Variants in GRM5 observed in about 807,000 individuals in gnomAD.
GRM5 encodes the protein glutamate metabotropic receptor 5.
GRM5 carries 19 observed loss-of-function variants against 83.1 expected under a neutral mutation model. That is an observed-to-expected ratio of 0.23 (90% CI 0.16 to 0.34). GRM5 has a LOEUF of 0.34. GRM5 is among the 10% of genes least tolerant of loss of function. The pLI is 1.00. For synonymous variants in GRM5, 675 were observed against 633.6 expected, an observed-to-expected ratio of 1.07 and a Z score of -0.98; for missense variants, 1,160 against 1,588.3, an observed-to-expected ratio of 0.73 and a Z score of 4.58.
chr11:88,956,895 TA>T (rs544818387), intron 2 of GRM5, among the ~76,000 whole-genome samples: 19 of 152,232 alleles, frequency 1.2e-4, no homozygotes, highest in Non-Finnish European at 2.6e-4. Flanking sequence ...TCTTCATCTG[TA>T]AAATGGAGAC....
At chr11:88,871,691 A>G (rs1229917482) in intron 2 of GRM5, among the ~76,000 whole-genome samples, 1 of 151,578 alleles carries the variant, frequency 6.6e-6, no homozygotes, top group African/African-American at 2.4e-5. Flanking sequence ...GGAAGACCCT[A>G]GCATATTAAG....
chr11:88,556,332 T>C (rs942981115), intron 8 of GRM5, among the ~76,000 whole-genome samples: 4 of 151,122 alleles, frequency 2.6e-5, no homozygotes, highest in Non-Finnish European at 4.4e-5. Context: ...TTCTTTTTTT[T>C]TTTTTTTTTA....
At chr11:88,820,755 C>T (rs189803525) in intron 3 of GRM5, among the ~76,000 whole-genome samples, 10 of 152,348 alleles carry the variant, frequency 6.6e-5, no homozygotes, top group Middle Eastern at 6.8e-3. Context: ...GTTATCATCT[C>T]ACTTTCCTCT....
At chr11:88,940,006 G>A (rs1938035322) in intron 2 of GRM5, among the ~76,000 whole-genome samples, 1 of 151,856 alleles carries the variant, frequency 6.6e-6, no homozygotes, top group Non-Finnish European at 1.5e-5. Context: ...ATTGTAGAAT[G>A]TCTTTTATAT....
At chr11:88,792,099 A>T (rs1390604338) in intron 3 of GRM5, among the ~76,000 whole-genome samples, 1 of 152,142 alleles carries the variant, frequency 6.6e-6, no homozygotes, top group Non-Finnish European at 1.5e-5. Flanking sequence ...AGGTTATTTC[A>T]TCTCAGCACC....
intron 2 of GRM5, among the ~76,000 whole-genome samples, chr11:88,929,035 C>A (rs28438068): frequency 0.49 from 74,115 of 151,588 alleles, 19,767 homozygotes; most frequent in South Asian, 0.66. Flanking sequence ...CTTTCTCTCA[C>A]CAAAAAAGTG....
intron 2 of GRM5, among the ~76,000 whole-genome samples, chr11:88,943,465 T>C (rs1201395649): frequency 1.3e-5 from 2 of 152,070 alleles, no homozygotes; most frequent in Non-Finnish European, 2.9e-5. Context: ...TAATGGCTAA[T>C]TTTCTATTGT....
At chr11:89,037,390 C>T (rs368025534) in intron 2 of GRM5, among the ~76,000 whole-genome samples, 2 of 151,906 alleles carry the variant, frequency 1.3e-5, no homozygotes, top group African/African-American at 4.8e-5. Context: ...ATGCGTATAC[C>T]ATTTACCAAA....
intron 3 of GRM5, among the ~76,000 whole-genome samples, chr11:88,726,068 A>C (rs1941672962): frequency 6.6e-6 from 1 of 152,248 alleles, no homozygotes; most frequent in South Asian, 2.1e-4. Context: ...GGCTTCAGAA[A>C]GTGAGTAGTA....
At chr11:88,510,791 C>T (rs1337079626) in intron 9 of GRM5, among the ~76,000 whole-genome samples, 1 of 152,236 alleles carries the variant, frequency 6.6e-6, no homozygotes, top group Non-Finnish European at 1.5e-5. Flanking sequence ...GTTGGGATTA[C>T]AGGCGTGAGC....
chr11:88,614,395 C>A (rs1457769592), intron 4 of GRM5, among the ~76,000 whole-genome samples: 3 of 152,126 alleles, frequency 2.0e-5, no homozygotes, highest in African/African-American at 4.8e-5. Context: ...AAATGTAAAT[C>A]ATAATAACCT....
At position 88,663,178 on chromosome 11, in the gene GRM5, G is replaced by C. The variant is rs544434535; in HGVS notation, c.912-9775C>G. 7.2e-5 allele frequency among the ~76,000 whole-genome samples: 11 copies of C among 152,290 alleles called. No individual in the cohort carries two copies. The East Asian group carries it at 1.2e-3, about 16-fold the overall frequency. ...TCTGACCTAATTCTGGGTGTGGTCA[G>C]TATAGACTGACTTACAAAGACGTGG... On this transcript the variant is annotated intron_variant, in intron 3 of 9. Coordinates refer to ENST00000305447, the MANE Select transcript of GRM5 (RefSeq NM_001143831.3).
chr11:88,820,821 C>T (rs1943776175), intron 3 of GRM5, among the ~76,000 whole-genome samples: 2 of 152,242 alleles, frequency 1.3e-5, no homozygotes, highest in South Asian at 4.2e-4. Flanking sequence ...GATTCCTAAA[C>T]ATATAATACA....
At chr11:89,056,324 C>G (rs1373268246) in intron 1 of GRM5, among the ~76,000 whole-genome samples, 8 of 152,166 alleles carry the variant, frequency 5.3e-5, no homozygotes, top group Admixed American at 2.0e-4. Context: ...TCTACTCTCT[C>G]TTGCTTCTAT....
intron 3 of GRM5, among the ~76,000 whole-genome samples, chr11:88,769,438 C>A (rs1942686848): frequency 6.6e-6 from 1 of 151,868 alleles, no homozygotes; most frequent in Non-Finnish European, 1.5e-5. Context: ...TATGCAACAC[C>A]CAGATCCAGA....
intron 2 of GRM5, among the ~76,000 whole-genome samples, chr11:89,007,188 C>T (rs1008946565): frequency 5.3e-5 from 8 of 152,186 alleles, no homozygotes; most frequent in African/African-American, 1.4e-4. Flanking sequence ...CCAGGACTTG[C>T]TTCCTTTACT....
chr11:88,707,574 A>G (rs1941191705), intron 3 of GRM5, among the ~76,000 whole-genome samples: 1 of 152,108 alleles, frequency 6.6e-6, no homozygotes, highest in South Asian at 2.1e-4. Flanking sequence ...TTTAAAGTAG[A>G]CAGGAGGATG....
intron 4 of GRM5, among the ~76,000 whole-genome samples, chr11:88,609,753 A>G (rs2135239303): frequency 6.6e-6 from 1 of 152,170 alleles, no homozygotes; most frequent in East Asian, 1.9e-4. Context: ...TCTATGCGTC[A>G]ATTTTTGTTT....
intron 4 of GRM5, among the ~76,000 whole-genome samples, chr11:88,630,020 C>T (rs1938918954): frequency 6.6e-6 from 1 of 152,138 alleles, no homozygotes. Context: ...TATGACAGTT[C>T]CCACACCTCT....
Sources: gnomAD v4.1 joint callset for allele counts (sites outside exome capture counted in the v4.1 genomes callset) on GRCh38, gnomAD v4.1.1 for gene constraint, MANE v1.5 for transcripts, NCBI Gene and HGNC (gene_info 2026-07-23, HGNC 2026-07-21) for gene names.